The following PSMA1 variants were observed in gnomAD, a reference collection of about 807,000 sequenced individuals.
PSMA1 encodes the protein proteasome 20S subunit alpha 1.
A neutral mutation model predicts 38.4 loss-of-function variants in PSMA1; 3 were observed. The ratio of observed to expected loss-of-function variants is 0.08; its 90% CI spans 0.04 to 0.20. The LOEUF is 0.20. PSMA1 is among the 10% of genes least tolerant of loss of function. PSMA1 has a pLI of 1.00. For missense variants in PSMA1, 227 were observed against 325.3 expected (o/e 0.70, Z 2.32); for synonymous variants, 101 against 107.1 (o/e 0.94, Z 0.35).
intron 2 of PSMA1, among the ~76,000 whole-genome samples, chr11:14,598,407 T>G (rs1181425436): frequency 6.6e-6 from 1 of 152,198 alleles, no homozygotes; most frequent in African/African-American, 2.4e-5. Flanking sequence ...CTCTAAGGAC[T>G]TGCTTTATGA....
chr11:14,520,559 G>A, upstream of PSMA1: 3 of 1,194,916 alleles, frequency 2.5e-6, no homozygotes, highest in Non-Finnish European at 3.4e-6. Context: ...GGGAGTGCCG[G>A]CGGCTGAGAG....
upstream of PSMA1, among the ~76,000 whole-genome samples, chr11:14,524,680 G>A (rs574453063): frequency 1.3e-5 from 2 of 152,106 alleles, no homozygotes; most frequent in Admixed American, 6.5e-5. Context: ...CTCTTCACAC[G>A]GACACGTAAG....
chr11:14,530,519 A>C (rs190807516), intron 2 of PSMA1, among the ~76,000 whole-genome samples: 2 of 152,302 alleles, frequency 1.3e-5, no homozygotes, highest in Admixed American at 1.3e-4. Flanking sequence ...CCTCACATTA[A>C]ATCAGGAGCC....
chr11:14,632,038 T>G (rs1239704344), intron 1 of PSMA1, among the ~76,000 whole-genome samples: 1 of 141,084 alleles, frequency 7.1e-6, no homozygotes, highest in African/African-American at 2.8e-5. Context: ...CCTCCATCCT[T>G]TTATTTTGAG....
chr11:14,540,498 G>C (rs944436245), intron 2 of PSMA1, among the ~76,000 whole-genome samples: 3 of 151,842 alleles, frequency 2.0e-5, no homozygotes, highest in Admixed American at 6.6e-5. Context: ...CATTTCTGGA[G>C]GTAAATGTCT....
intron 1 of PSMA1, among the ~76,000 whole-genome samples, chr11:14,627,597 T>G (rs1338293961): frequency 6.6e-6 from 1 of 152,252 alleles, no homozygotes. Context: ...TTAATCTTTC[T>G]GCCCTACAAA....
chr11:14,516,348 G>C (rs948836716), intron 4 of PSMA1, among the ~76,000 whole-genome samples: 1 of 152,190 alleles, frequency 6.6e-6, no homozygotes, highest in African/African-American at 2.4e-5. Context: ...AGGACAACAG[G>C]TGTGTGCCAC....
chr11:14,543,436 C>A (rs1409922588), intron 2 of PSMA1, among the ~76,000 whole-genome samples: 1 of 151,998 alleles, frequency 6.6e-6, no homozygotes, highest in African/African-American at 2.4e-5. Flanking sequence ...CCATAAAATT[C>A]ATTCATGTAA....
chr11:14,632,211 T>G (rs11529567), intron 1 of PSMA1, among the ~76,000 whole-genome samples: 9,454 of 133,010 alleles, frequency 0.071, 433 homozygotes, highest in African/African-American at 0.15. Context: ...CTGTCATTAT[T>G]ATGTTAGCTG....
At chr11:14,606,292 T>G in intron 2 of PSMA1, among the ~76,000 whole-genome samples, 1 of 152,154 alleles carries the variant, frequency 6.6e-6, no homozygotes, top group South Asian at 2.1e-4. Flanking sequence ...TAGTATAGTC[T>G]GAAGTTGGGA....
chr11:14,623,783 C>T (rs754400752), intron 1 of PSMA1, among the ~76,000 whole-genome samples: 26 of 152,316 alleles, frequency 1.7e-4, no homozygotes, highest in Non-Finnish European at 2.9e-4. Context: ...ATGGACCTCC[C>T]ATCACCAAAG....
At chr11:14,554,822 C>A (rs1851925497) in intron 2 of PSMA1, among the ~76,000 whole-genome samples, 1 of 152,078 alleles carries the variant, frequency 6.6e-6, no homozygotes, top group Non-Finnish European at 1.5e-5. Context: ...TCACAAAATT[C>A]TATGAGATGG....
rs574482087 is a variant in PSMA1 at position 14,550,237 on chromosome 11, G to A, written c.22-31196C>T. ...CAAAGCTCAAAGTAAATATATTCATGTATTTCATAAACATTAATACGTTTC... is the reference window on the plus strand; with the variant it reads ...CAAAGCTCAAAGTAAATATATTCATATATTTCATAAACATTAATACGTTTC... On this transcript the variant is annotated intron_variant, in intron 2 of 10. Coordinates refer to the PSMA1 transcript ENST00000418988. Among the ~76,000 whole-genome samples the A allele has an allele frequency of 3.9e-5, 6 of 152,294 alleles. No homozygotes were observed. The South Asian group carries it at 1.0e-3, about 26-fold the overall frequency.
At chr11:14,597,182 T>C (rs1852507731) in intron 2 of PSMA1, among the ~76,000 whole-genome samples, 1 of 152,244 alleles carries the variant, frequency 6.6e-6, no homozygotes. Context: ...TTGATGTTCA[T>C]CAGGGATATT....
upstream of PSMA1, chr11:14,520,740 A>C: frequency 1.5e-5 from 3 of 195,192 alleles, no homozygotes; most frequent in South Asian, 3.0e-4. Context: ...TATGTGACTG[A>C]AAGGAACGAG....
At chr11:14,557,165 T>C (rs1165839592) in intron 2 of PSMA1, among the ~76,000 whole-genome samples, 1 of 152,204 alleles carries the variant, frequency 6.6e-6, no homozygotes, top group African/African-American at 2.4e-5. Flanking sequence ...ATTCAGTTGT[T>C]GGATCACCTG....
chr11:14,627,308 A>C (rs1590015660), intron 1 of PSMA1, among the ~76,000 whole-genome samples: 1 of 152,274 alleles, frequency 6.6e-6, no homozygotes, highest in East Asian at 1.9e-4. Flanking sequence ...CCTCAGGATA[A>C]TGTGGTTCCT....
chr11:14,640,153 T>C (rs1853180626), intron 1 of PSMA1, among the ~76,000 whole-genome samples: 1 of 151,802 alleles, frequency 6.6e-6, no homozygotes, highest in African/African-American at 2.4e-5. Flanking sequence ...GTAAAAGAAG[T>C]TAGGGAATAT....
At chr11:14,511,051 A>G (rs1288082906) in intron 7 of PSMA1, 100 bp from the exon 8 acceptor site, 3 of 709,998 alleles carry the variant, frequency 4.2e-6, no homozygotes, top group Non-Finnish European at 6.6e-6. Context: ...TTTTAGTTAC[A>G]CACTAAATTT....
Sources: allele counts gnomAD v4.1 joint callset (sites outside exome capture counted in the v4.1 genomes callset), GRCh38; gene constraint gnomAD v4.1.1; transcripts MANE v1.5; gene names NCBI Gene and HGNC (gene_info 2026-07-23, HGNC 2026-07-21).